The following CEP43 variants were observed in gnomAD, a reference collection of about 807,000 sequenced individuals.
The protein encoded by CEP43 is FGFR1 oncogene partner.
Under a neutral mutation model 52.6 loss-of-function variants are expected in CEP43, and 36 were observed. The observed-to-expected ratio is 0.68, with a 90% CI of 0.52 to 0.90. CEP43 has a LOEUF of 0.90. CEP43 is among the 40% of genes least tolerant of loss of function. The probability of loss-of-function intolerance (pLI) is 0.00; values close to 1 mark genes in which losing one functional copy is unlikely to be tolerated. For missense variants in CEP43, 506 were observed against 472.8 expected (o/e 1.07, Z -0.65); for synonymous variants, 192 against 172.4 (o/e 1.11, Z -0.89).
intron 10 of CEP43, among the ~76,000 whole-genome samples, chr6:167,031,766 G>A (rs1480310885): frequency 6.6e-6 from 1 of 152,150 alleles, no homozygotes; most frequent in Non-Finnish European, 1.5e-5. Flanking sequence ...CTCCAAGTCT[G>A]CTTTGAGGCT....
intron 6 of CEP43, among the ~76,000 whole-genome samples, chr6:167,011,883 C>T (rs555448747): frequency 1.6e-4 from 25 of 152,332 alleles, no homozygotes; most frequent in Admixed American, 8.5e-4. Context: ...GCAAAGGCTC[C>T]ACCTTCTGAT....
intron 12 of CEP43, among the ~76,000 whole-genome samples, chr6:167,034,918 T>C (rs1780552722): frequency 6.6e-6 from 1 of 152,238 alleles, no homozygotes; most frequent in African/African-American, 2.4e-5. Flanking sequence ...TTTAGCTTTC[T>C]CTTTTCACCC....
chr6:167,037,625 G>A (rs189236156), intron 12 of CEP43, among the ~76,000 whole-genome samples: 41 of 152,298 alleles, frequency 2.7e-4, no homozygotes, highest in Middle Eastern at 3.4e-3. Context: ...TTGTTGAAAA[G>A]GATTTTACTT....
chr6:167,010,125 A>G (rs1380715548), intron 5 of CEP43, among the ~76,000 whole-genome samples: 2 of 152,240 alleles, frequency 1.3e-5, no homozygotes, highest in Non-Finnish European at 2.9e-5. Context: ...AACAGCCAGT[A>G]TTTACTATGT....
intron 6 of CEP43, among the ~76,000 whole-genome samples, chr6:167,011,952 A>G (rs1238573060): frequency 1.3e-5 from 2 of 152,130 alleles, no homozygotes; most frequent in Admixed American, 6.5e-5. Flanking sequence ...GGACTACACA[A>G]ACCTGCAGTC....
rs766603176 is a variant in CEP43 at position 167,041,961 on chromosome 6, T to C, written c.*1983T>C. 4.1e-5 allele frequency: 17 copies of C among 412,830 alleles called. No individual in the cohort carries two copies. Among genetic ancestry groups the C allele is most frequent in the East Asian group, 2.1e-4 (2 of 9,458 alleles). 25.6% of individuals were successfully genotyped at this position (412,830 alleles called of 1,614,324 possible). ...GCTTCAGCCTCCTGAGTAGCTGGGATTACAGGTGCACACCACCACGCCCGG... is the reference window on the plus strand; with the variant it reads ...GCTTCAGCCTCCTGAGTAGCTGGGACTACAGGTGCACACCACCACGCCCGG... On this transcript the variant is annotated 3_prime_UTR_variant, in exon 13 of 13. Coordinates refer to ENST00000366847, the MANE Select transcript of CEP43 (RefSeq NM_007045.4).
Position 167,022,542 on chromosome 6 carries a change from A to G in CEP43, c.713A>G (p.Lys238Arg). 6.2e-7 allele frequency: 1 copy of G among 1,614,066 alleles called. No homozygotes were observed. The highest frequency in any genetic ancestry group is 8.5e-7 in the Non-Finnish European group (1 of 1,179,968). Residue 238 changes from lysine to arginine, a missense_variant, in exon 8 of 13, where the codon AAA becomes AGA. Physicochemically the swap from Lys to Arg is conservative, Grantham distance 26. Transcript: ENST00000366847. Reference protein sequence around the residue: ...SFLSNRTLDGKDKAGLCPDED... With the variant: ...SFLSNRTLDGRDKAGLCPDED... ...CTAAGCAACAGAACTTTAGATGGCA[A>G]AGACAAAGCTGGCCTTTGTCCAGAT... is the stretch of plus-strand genomic sequence containing the variant.
chr6:167,009,365 C>T (rs1779927334), intron 5 of CEP43, among the ~76,000 whole-genome samples: 1 of 151,826 alleles, frequency 6.6e-6, no homozygotes, highest in Non-Finnish European at 1.5e-5. Context: ...CAAAAATTAG[C>T]TGGGCATGGT....
chr6:167,034,015 C>A, intron 12 of CEP43, 44 bp downstream of exon 12: 1 of 874,496 alleles, frequency 1.1e-6, no homozygotes, highest in Non-Finnish European at 1.8e-6. Context: ...TTTTTTTTAA[C>A]CTATTTGTCG....
chr6:166,999,775 G>A lies in CEP43; in HGVS notation c.102+261G>A, dbSNP rs984325652. ...CCTCATTCCGTGGGGGCGGGACCGCGGGGCTTGGGGGCCACACGGGCGGCC... is the reference window on the plus strand; with the variant it reads ...CCTCATTCCGTGGGGGCGGGACCGCAGGGCTTGGGGGCCACACGGGCGGCC... On this transcript the variant is annotated intron_variant, in intron 1 of 12. Coordinates refer to ENST00000366847, the MANE Select transcript of CEP43 (RefSeq NM_007045.4). 3.8e-5 allele frequency: 20 copies of A among 520,742 alleles called. 1 individual carries two copies. The highest frequency in any genetic ancestry group is 3.6e-4 in the African/African-American group (18 of 49,624). The allele number at this position is 520,742 out of a possible 1,614,324, so 32.3% of individuals were successfully genotyped here.
Position 167,033,882 on chromosome 6 carries a change from CA to C in CEP43, c.1037del (p.His346LeufsTer8). 6.4e-7 allele frequency: 1 copy of C among 1,559,532 alleles called. No homozygotes were observed. Among genetic ancestry groups the C allele is most frequent in the East Asian group, 2.3e-5 (1 of 44,038 alleles). The stretch of plus-strand genomic sequence containing the variant: ...TTCCCCTTCTGAAATTAGTACCAGC[CA>C]TCGCTCAGAGAAAAGTGAGATAAGT... The part of the protein sequence containing the change: ...DYVDDFNSTS[H>X]RSEKSEISIG... On this transcript the variant is annotated frameshift_variant, in exon 12 of 13. Coordinates refer to ENST00000366847, the MANE Select transcript of CEP43 (RefSeq NM_007045.4). LOFTEE classifies it high-confidence loss of function.
chr6:167,041,603 G>A lies in CEP43; in HGVS notation c.*1625G>A, dbSNP rs1780696867. On this transcript the variant is annotated 3_prime_UTR_variant, in exon 13 of 13. Coordinates refer to ENST00000366847, the MANE Select transcript of CEP43 (RefSeq NM_007045.4). ...TGGTCCCCTGGAATCTGGATCACAT[G>A]TATGATTTATTTTTAATATTTGATA... 2.9e-6 allele frequency: 3 copies of A among 1,044,810 alleles called. No individual in the cohort carries two copies. Among genetic ancestry groups the A allele is most frequent in the Non-Finnish European group, 3.5e-6 (3 of 866,260 alleles). The allele number at this position is 1,044,810 out of a possible 1,614,324, so 64.7% of individuals were successfully genotyped here.
chr6:167,035,514 G>T (rs758533891), intron 12 of CEP43, among the ~76,000 whole-genome samples: 2 of 151,788 alleles, frequency 1.3e-5, no homozygotes, highest in African/African-American at 2.4e-5. Flanking sequence ...CTGGGTTTGA[G>T]TTCTGGAGCT....
In CEP43 at chr6:167,051,761, A is replaced by C. The variant is rs187171498; in HGVS notation, c.*11783A>C. The C allele has an allele frequency of 6.6e-6, 1 of 152,248 alleles. No homozygotes were observed. Among genetic ancestry groups the C allele is most frequent in the East Asian group, 1.9e-4 (1 of 5,180 alleles). The allele number at this position is 152,248 out of a possible 1,614,324, so 9.4% of individuals were successfully genotyped here. ...TTTGACTTAAAGTCTATTTTGTTTGATATTAGCATAGCTATTCTTGCTCTT... is the reference window on the plus strand; with the variant it reads ...TTTGACTTAAAGTCTATTTTGTTTGCTATTAGCATAGCTATTCTTGCTCTT... On this transcript the variant is annotated 3_prime_UTR_variant, in exon 13 of 13. Transcript: ENST00000366847.
chr6:166,999,436 G>A lies in CEP43; in HGVS notation c.24G>A (p.Val8=), dbSNP rs1779671974. Reference sequence around the variant, plus strand: ...AGATGGCGGCGACGGCGGCCGCAGTGGTGGCCGAGGAGGACACGGAGCTGC... The same window carrying A: ...AGATGGCGGCGACGGCGGCCGCAGTAGTGGCCGAGGAGGACACGGAGCTGC... The part of the protein sequence containing the change: MAATAAA[V]VAEEDTELRD... The change falls in exon 1 of 13, where the codon GTG becomes GTA. Residue 8 remains valine, a synonymous_variant. Coordinates refer to ENST00000366847, the MANE Select transcript of CEP43 (RefSeq NM_007045.4). The A allele has an allele frequency of 2.0e-6, 3 of 1,478,956 alleles. No individual in the cohort carries two copies. The highest frequency in any genetic ancestry group is 1.3e-5 in the South Asian group (1 of 76,216). The allele number at this position is 1,478,956 out of a possible 1,614,324, so 91.6% of individuals were successfully genotyped here.
chr6:167,000,092 A>T lies in CEP43; in HGVS notation c.135A>T (p.Leu45=). 2 of 1,612,982 alleles carry T rather than the reference A, an allele frequency of 1.2e-6. No individual in the cohort carries two copies. The highest frequency in any genetic ancestry group is 1.7e-6 in the Non-Finnish European group (2 of 1,179,252). Residue 45 remains leucine, a synonymous_variant, in exon 2 of 13, where the codon CTA becomes CTT. Coordinates refer to ENST00000366847, the MANE Select transcript of CEP43 (RefSeq NM_007045.4). ...AELRAAVFLA[L]EEQEKVENKT... is the part of the protein sequence containing the mutation. ...TCCGAGCAGCTGTGTTTTTAGCACT[A>T]GAGGAGCAAGAAAAAGTAGAGGTAT...
chr6:167,052,523 T>C lies in CEP43; in HGVS notation c.*12545T>C, dbSNP rs1780883312. The C allele has an allele frequency of 6.6e-6, 1 of 152,186 alleles. No individual in the cohort carries two copies. The highest frequency in any genetic ancestry group is 6.5e-5 in the Admixed American group (1 of 15,280). 9.4% of individuals were successfully genotyped at this position (152,186 alleles called of 1,614,324 possible). On this transcript the variant is annotated 3_prime_UTR_variant, in exon 13 of 13. Transcript: ENST00000366847. ...TTAGAACAGTGTATCCTGGAGGACATCCCTTGCCTTTCACCAAGTGACCCT... is the reference window on the plus strand; with the variant it reads ...TTAGAACAGTGTATCCTGGAGGACACCCCTTGCCTTTCACCAAGTGACCCT...
Position 167,044,685 on chromosome 6 carries a change from C to A in CEP43, c.*4707C>A. 1 of 425,932 alleles carries A rather than the reference C, an allele frequency of 2.3e-6. No homozygotes were observed. The highest frequency in any genetic ancestry group is 9.8e-5 in the South Asian group (1 of 10,234). The allele number at this position is 425,932 out of a possible 1,614,324, so 26.4% of individuals were successfully genotyped here. ...AACCCCCGAACAAGGTAAGGTCGAGCTGGCCCCTCGTGTCATCCGACTTTG... is the reference window on the plus strand; with the variant it reads ...AACCCCCGAACAAGGTAAGGTCGAGATGGCCCCTCGTGTCATCCGACTTTG... On this transcript the variant is annotated 3_prime_UTR_variant, in exon 13 of 13. Transcript: ENST00000366847.
rs1461021461 is a variant in CEP43, at chr6:167,026,492, TAG to T, written c.920-51_920-50del. 59 of 1,114,178 alleles carry T rather than the reference TAG, an allele frequency of 5.3e-5. No homozygotes were observed. The South Asian group carries it at 7.1e-4, about 13-fold the overall frequency. The allele number at this position is 1,114,178 out of a possible 1,614,324, so 69.0% of individuals were successfully genotyped here. On this transcript the variant is annotated intron_variant, in intron 9 of 12. Transcript: ENST00000366847. ...AACAACGACAAAAATTGATGTGGTT[TAG>T]AGACTGTTATATTCTAAGTCACTCT...
Sources: allele counts gnomAD v4.1 joint callset (sites outside exome capture counted in the v4.1 genomes callset), GRCh38; gene constraint gnomAD v4.1.1; transcripts MANE v1.5; gene names NCBI Gene and HGNC (gene_info 2026-07-23, HGNC 2026-07-21).